The following CYP4X1 variants were observed in gnomAD, a reference collection of about 807,000 sequenced individuals.
CYP4X1 encodes the protein cytochrome P450 4X1.
CYP4X1 carries 44 observed loss-of-function variants against 57.9 expected under a neutral mutation model. The observed-to-expected ratio is 0.76, with a 90% CI of 0.60 to 0.98. The LOEUF (loss-of-function observed/expected upper bound fraction) is 0.98, where lower values mean the gene tolerates loss of function less well. Ranked by LOEUF, CYP4X1 falls within the 50% of genes least tolerant of loss-of-function variation. CYP4X1 has a pLI of 0.00. For synonymous variants in CYP4X1, 227 were observed against 228.6 expected (o/e 0.99, Z 0.06); for missense variants, 532 against 623.9 (o/e 0.85, Z 1.57).
rs868739263 is a variant in CYP4X1 at position 47,049,439 on chromosome 1, G to T, written c.1290G>T (p.Arg430Ser). ...WKNPKVFDPL[R>S]FSQENSDQRH... ...CATTTCAGGTCTTTGACCCCTTGAG[G>T]TTCTCTCAGGAGAATTCTGATCAGA... The change falls in exon 11 of 12, where the codon AGG becomes AGT. Residue 430 changes from arginine to serine, a missense_variant. Physicochemically the swap from Arg to Ser is moderately radical, Grantham distance 110. Coordinates refer to ENST00000371901, the MANE Select transcript of CYP4X1 (RefSeq NM_178033.2). 1.2e-6 allele frequency: 2 copies of T among 1,614,008 alleles called. No individual in the cohort carries two copies. The highest frequency in any genetic ancestry group is 1.7e-6 in the Non-Finnish European group (2 of 1,179,960).
At chr1:47,029,531 C>G (rs905006311) in intron 1 of CYP4X1, among the ~76,000 whole-genome samples, 2 of 152,116 alleles carry the variant, frequency 1.3e-5, no homozygotes, top group Admixed American at 1.3e-4. Flanking sequence ...GAGAAATAAT[C>G]ACTGGTGCAT....
chr1:47,012,612 A>G, the CYP4X1 span, among the ~76,000 whole-genome samples: 1 of 152,166 alleles, frequency 6.6e-6, no homozygotes, highest in Admixed American at 6.5e-5. Flanking sequence ...GAAAAAAAAA[A>G]GGTCTGGCAT....
At chr1:47,043,222 T>A (rs1353390105) in intron 8 of CYP4X1, among the ~76,000 whole-genome samples, 1 of 152,196 alleles carries the variant, frequency 6.6e-6, no homozygotes, top group Non-Finnish European at 1.5e-5. Context: ...TGTTGAGCAT[T>A]TTTTCATATA....
At chr1:46,998,732 T>A in the CYP4X1 span, among the ~76,000 whole-genome samples, 1 of 150,762 alleles carries the variant, frequency 6.6e-6, no homozygotes, top group Admixed American at 6.7e-5. Flanking sequence ...CTTTAATCCA[T>A]CTTGAGTGAA....
the CYP4X1 span, among the ~76,000 whole-genome samples, chr1:46,993,597 G>A: frequency 3.3e-5 from 5 of 152,300 alleles, no homozygotes; most frequent in Admixed American, 3.3e-4. Flanking sequence ...AGCACCTGTT[G>A]TTTCCTGACT....
chr1:47,024,062 C>T, intron 1 of CYP4X1, 68 bp downstream of exon 1: 1 of 1,516,400 alleles, frequency 6.6e-7, no homozygotes, highest in Non-Finnish European at 8.9e-7. Flanking sequence ...AGGAGCCCAG[C>T]CGGCAGAGAG....
chr1:46,998,033 A>T, the CYP4X1 span, among the ~76,000 whole-genome samples: 2 of 151,940 alleles, frequency 1.3e-5, no homozygotes, highest in Non-Finnish European at 2.9e-5. Context: ...TTGTCCATTT[A>T]TCATTTTTTT....
chr1:46,989,714 T>G, the CYP4X1 span, among the ~76,000 whole-genome samples: 1 of 152,062 alleles, frequency 6.6e-6, no homozygotes, highest in Non-Finnish European at 1.5e-5. Flanking sequence ...TATAGACCAA[T>G]GGAACAGAAT....
upstream of CYP4X1, among the ~76,000 whole-genome samples, chr1:47,022,019 C>A (rs2148501687): frequency 6.6e-6 from 1 of 152,296 alleles, no homozygotes. Flanking sequence ...CATCATACAA[C>A]CATCATGATT....
At chr1:47,010,824 G>A in the CYP4X1 span, among the ~76,000 whole-genome samples, 1 of 152,202 alleles carries the variant, frequency 6.6e-6, no homozygotes, top group Admixed American at 6.5e-5. Context: ...CAAAGAGAAT[G>A]AAATACCTAG....
Position 47,039,326 on chromosome 1 carries a change from G to A in CYP4X1, c.883-16G>A. ...AACTGGCATTTTATTTAAAATATTT[G>A]TATTGTACTTTCTAGGATGAAAGTG... is the stretch of plus-strand genomic sequence containing the variant. On this transcript the variant is annotated splice_polypyrimidine_tract_variant and intron_variant, in intron 7 of 11. Coordinates refer to ENST00000371901, the MANE Select transcript of CYP4X1 (RefSeq NM_178033.2). 1.3e-6 allele frequency: 2 copies of A among 1,566,822 alleles called. No individual in the cohort carries two copies. Among genetic ancestry groups the A allele is most frequent in the South Asian group, 1.2e-5 (1 of 83,252 alleles).
At chr1:47,029,705 G>A (rs138524343) in intron 1 of CYP4X1, among the ~76,000 whole-genome samples, 239 of 152,184 alleles carry the variant, frequency 1.6e-3, no homozygotes, top group African/African-American at 4.4e-3. Context: ...AGTGTGACTC[G>A]GCTCACCCTC....
the CYP4X1 span, among the ~76,000 whole-genome samples, chr1:47,001,246 G>C: frequency 1.3e-5 from 2 of 152,196 alleles, no homozygotes; most frequent in African/African-American, 4.8e-5. Flanking sequence ...GAACCTACCA[G>C]TCTTGCTCTT....
At chr1:46,979,555 G>C in the CYP4X1 span, among the ~76,000 whole-genome samples, 18 of 152,236 alleles carry the variant, frequency 1.2e-4, no homozygotes, top group East Asian at 3.1e-3. Flanking sequence ...GTACAAAGAG[G>C]AGCTGGTACT....
downstream of CYP4X1, among the ~76,000 whole-genome samples, chr1:47,054,427 TTAAAG>T (rs1242876044): frequency 6.6e-6 from 1 of 152,044 alleles, no homozygotes; most frequent in Non-Finnish European, 1.5e-5. Context: ...CATATGAACT[TTAAAG>T]TAGTTTTTTC....
the CYP4X1 span, among the ~76,000 whole-genome samples, chr1:46,992,886 C>G: frequency 6.6e-6 from 1 of 152,134 alleles, no homozygotes; most frequent in South Asian, 2.1e-4. Flanking sequence ...CCAATTTTCC[C>G]ACATTCTGTT....
Position 47,023,709 on chromosome 1 carries a change from G to A in CYP4X1, c.-109G>A. ...TCCCGCGAGTCAGAAGCTTCGCGAGGGCCCAGAGAGGCGGTGGGGTGGGCG... is the reference window on the plus strand; with the variant it reads ...TCCCGCGAGTCAGAAGCTTCGCGAGAGCCCAGAGAGGCGGTGGGGTGGGCG... On this transcript the variant is annotated 5_prime_UTR_variant, in exon 1 of 12. Transcript: ENST00000371901. 1.4e-6 allele frequency: 2 copies of A among 1,463,082 alleles called. No homozygotes were observed. The highest frequency in any genetic ancestry group is 1.8e-6 in the Non-Finnish European group (2 of 1,111,652). 90.6% of individuals were successfully genotyped at this position (1,463,082 alleles called of 1,614,324 possible). A position where few individuals can be genotyped will look rare whatever the true frequency, so the allele number is the denominator to read the frequency against.
At chr1:46,995,771 A>T in the CYP4X1 span, among the ~76,000 whole-genome samples, 1 of 152,148 alleles carries the variant, frequency 6.6e-6, no homozygotes, top group South Asian at 2.1e-4. Flanking sequence ...AGTTCTTTTC[A>T]TTCTCCTCTA....
chr1:46,962,599 C>T, the CYP4X1 span, among the ~76,000 whole-genome samples: 2 of 152,184 alleles, frequency 1.3e-5, no homozygotes, highest in African/African-American at 4.8e-5. Context: ...AATTTGATTG[C>T]ACTGTGGTCT....
Sources: gnomAD v4.1 joint callset for allele counts (sites outside exome capture counted in the v4.1 genomes callset) on GRCh38, gnomAD v4.1.1 for gene constraint, MANE v1.5 for transcripts, NCBI Gene and HGNC (gene_info 2026-07-23, HGNC 2026-07-21) for gene names.